Variants in NAV3 observed in about 807,000 individuals in gnomAD.
The protein encoded by NAV3 is neuron navigator 3.
NAV3 carries 87 observed loss-of-function variants against 244.7 expected under a neutral mutation model. The ratio of observed to expected loss-of-function variants is 0.36; its 90% CI spans 0.30 to 0.42. NAV3 has a LOEUF of 0.42. NAV3 is among the 20% of genes least tolerant of loss of function. The pLI is 1.00. For missense variants in NAV3, 2,663 were observed against 2,893.3 expected, an observed-to-expected ratio of 0.92 and a Z score of 1.83; for synonymous variants, 1,126 against 1,042.2, an observed-to-expected ratio of 1.08 and a Z score of -1.55.
rs1034822024 is a variant in NAV3 at position 77,806,848 on chromosome 12, T to C, written c.73-133471T>C. 2.0e-5 allele frequency among the ~76,000 whole-genome samples: 3 copies of C among 152,358 alleles called. No individual in the cohort carries two copies. The East Asian group carries it at 5.8e-4, about 29-fold the overall frequency. ...GAACTTACTTTATGAATCTGGGTGCTCCTGTATTGGATGCATATATATTTA... is the reference window on the plus strand; with the variant it reads ...GAACTTACTTTATGAATCTGGGTGCCCCTGTATTGGATGCATATATATTTA... On this transcript the variant is annotated intron_variant, in intron 2 of 8. Transcript: ENST00000550042.
intron 39 of NAV3, among the ~76,000 whole-genome samples, chr12:78,209,890 C>T (rs1350868971): frequency 6.6e-6 from 1 of 152,222 alleles, no homozygotes; most frequent in East Asian, 1.9e-4. Flanking sequence ...CTCCCGAGGT[C>T]AGCTCCTAAA....
At chr12:77,722,780 A>T (rs1876697290) in intron 2 of NAV3, among the ~76,000 whole-genome samples, 1 of 152,038 alleles carries the variant, frequency 6.6e-6, no homozygotes, top group Admixed American at 6.6e-5. Flanking sequence ...GGCATTATTG[A>T]TAGAAATTTT....
chr12:78,117,237 A>G (rs1481397616), intron 13 of NAV3, among the ~76,000 whole-genome samples: 1 of 36,430 alleles, frequency 2.7e-5, no homozygotes, highest in Non-Finnish European at 6.7e-5. Flanking sequence ...TATATGTGCC[A>G]TATAGCCTGG....
intron 2 of NAV3, among the ~76,000 whole-genome samples, chr12:77,806,733 G>T (rs747772646): frequency 1.3e-5 from 2 of 152,126 alleles, no homozygotes; most frequent in Non-Finnish European, 2.9e-5. Context: ...TTAATTTTCT[G>T]TCTCGTTGAT....
chr12:78,165,375 G>A (rs1957737244), intron 23 of NAV3, among the ~76,000 whole-genome samples: 3 of 151,982 alleles, frequency 2.0e-5, no homozygotes, highest in Admixed American at 1.3e-4. Context: ...TGAATTGGAA[G>A]AGTAGACTTT....
intron 4 of NAV3, among the ~76,000 whole-genome samples, chr12:77,967,891 T>C (rs1424855505): frequency 2.0e-5 from 3 of 152,166 alleles, no homozygotes; most frequent in Non-Finnish European, 4.4e-5. Context: ...AATTGGAACA[T>C]TAAAAATTGA....
At chr12:77,810,664 G>T (rs1422200218) in intron 2 of NAV3, among the ~76,000 whole-genome samples, 2 of 152,052 alleles carry the variant, frequency 1.3e-5, no homozygotes, top group Admixed American at 1.3e-4. Context: ...GGTAGTTTTC[G>T]AAAATGCTAA....
At chr12:77,698,431 A>G (rs1213300370) in intron 2 of NAV3, among the ~76,000 whole-genome samples, 1 of 152,178 alleles carries the variant, frequency 6.6e-6, no homozygotes, top group African/African-American at 2.4e-5. Context: ...CAGGTGGAAC[A>G]GATTGTGGGC....
intron 2 of NAV3, 62 bp from the exon 3 acceptor site, chr12:77,941,019 C>T: frequency 9.6e-7 from 1 of 1,043,112 alleles, no homozygotes; most frequent in Non-Finnish European, 1.5e-6. Flanking sequence ...GTGTGTGTTT[C>T]ACTTCATTGC....
chr12:77,734,434 A>C (rs968934658), intron 2 of NAV3, among the ~76,000 whole-genome samples: 2 of 152,238 alleles, frequency 1.3e-5, no homozygotes, highest in East Asian at 3.9e-4. Context: ...AAAATTTTGC[A>C]GATAGCTCAA....
intron 1 of NAV3, among the ~76,000 whole-genome samples, chr12:77,870,100 C>G (rs748112110): frequency 7.9e-5 from 12 of 152,096 alleles, no homozygotes; most frequent in Non-Finnish European, 1.6e-4. Flanking sequence ...GGCGCGGTGG[C>G]TCACTCCTGT....
intron 12 of NAV3, among the ~76,000 whole-genome samples, chr12:78,101,840 A>C (rs149504178): frequency 9.2e-4 from 140 of 152,278 alleles, no homozygotes; most frequent in African/African-American, 3.2e-3. Flanking sequence ...CTAAAACCCA[A>C]AGCCTAACAG....
chr12:77,968,057 G>A (rs954359069), intron 4 of NAV3, among the ~76,000 whole-genome samples: 2 of 152,086 alleles, frequency 1.3e-5, no homozygotes, highest in African/African-American at 2.4e-5. Context: ...GGTATTAGGA[G>A]GTGCACCCAC....
rs111740704 is a variant in NAV3, at chr12:77,593,286, G to A, written c.72+21020G>A. ...TGAGTGTGTGTATGTGTGTCTGTGT[G>A]TGTGTGTGTGTGTGTGTATTCCTTA... On this transcript the variant is annotated intron_variant, in intron 2 of 8. Transcript: ENST00000550042. Among the ~76,000 whole-genome samples the A allele has an allele frequency of 4.8e-5, 7 of 147,344 alleles. No homozygotes were observed. In the South Asian group the frequency reaches 1.5e-3, roughly 31 times the overall value.
chr12:78,106,340 C>A (rs906617949), intron 12 of NAV3, among the ~76,000 whole-genome samples: 4 of 151,736 alleles, frequency 2.6e-5, no homozygotes, highest in Non-Finnish European at 4.4e-5. Flanking sequence ...AAATATTGAA[C>A]AATAAAGTAT....
At chr12:77,931,683 G>A (rs527977369) in intron 1 of NAV3, among the ~76,000 whole-genome samples, 1 of 152,090 alleles carries the variant, frequency 6.6e-6, no homozygotes, top group African/African-American at 2.4e-5. Context: ...TGGCTAACAC[G>A]ATGAAACCCT....
rs545291120 is a variant in NAV3 at position 77,821,290 on chromosome 12, G to A, written c.73-119029G>A. Among the ~76,000 whole-genome samples, 4 of 152,166 alleles carry A rather than the reference G, an allele frequency of 2.6e-5. No individual in the cohort carries two copies. The South Asian group carries it at 8.3e-4, about 32-fold the overall frequency. ...AACTGGGAACTGGAACTGATTACAG[G>A]CAGCAATTACTTTAACTCATTACTT... On this transcript the variant is annotated intron_variant, in intron 2 of 8. Transcript: ENST00000550042.
chr12:77,701,089 T>C (rs184421035), intron 2 of NAV3, among the ~76,000 whole-genome samples: 2 of 152,024 alleles, frequency 1.3e-5, no homozygotes, highest in East Asian at 3.9e-4. Flanking sequence ...GTTGGGAGTA[T>C]TTCCTGCTTC....
intron 3 of NAV3, among the ~76,000 whole-genome samples, chr12:77,947,925 G>C (rs1890513507): frequency 6.6e-6 from 1 of 151,968 alleles, no homozygotes; most frequent in African/African-American, 2.4e-5. Flanking sequence ...TTTGTTAAAA[G>C]AACAAAGGTG....
Sources: allele counts gnomAD v4.1 joint callset (sites outside exome capture counted in the v4.1 genomes callset), GRCh38; gene constraint gnomAD v4.1.1; transcripts MANE v1.5; gene names NCBI Gene and HGNC (gene_info 2026-07-23, HGNC 2026-07-21).